The following ZRANB3 variants were observed in gnomAD, a reference collection of about 807,000 sequenced individuals.
ZRANB3 encodes the protein zinc finger RANBP2-type containing 3, also known as DNA annealing helicase and endonuclease ZRANB3.
A neutral mutation model predicts 133.8 loss-of-function variants in ZRANB3; 125 were observed. The ratio of observed to expected loss-of-function variants is 0.93; its 90% CI spans 0.81 to 1.08. ZRANB3 has a LOEUF of 1.08. Ranked by LOEUF, ZRANB3 falls within the 50% of genes least tolerant of loss-of-function variation. The probability of loss-of-function intolerance (pLI) is 0.00; values close to 1 mark genes in which losing one functional copy is unlikely to be tolerated. For missense variants in ZRANB3, 1,229 were observed against 1,275.5 expected, an observed-to-expected ratio of 0.96 and a Z score of 0.56; for synonymous variants, 387 against 432.7, an observed-to-expected ratio of 0.89 and a Z score of 1.31.
chr2:135,497,344 A>C (rs1457169900), intron 2 of ZRANB3, among the ~76,000 whole-genome samples: 1 of 152,232 alleles, frequency 6.6e-6, no homozygotes, highest in Non-Finnish European at 1.5e-5. Flanking sequence ...TATTTATTAT[A>C]AAGCTACGCT....
At chr2:135,459,385 C>T (rs1690667800) in intron 2 of ZRANB3, among the ~76,000 whole-genome samples, 1 of 152,134 alleles carries the variant, frequency 6.6e-6, no homozygotes, top group African/African-American at 2.4e-5. Context: ...CCCAGCTTGC[C>T]TAGTAAAATT....
intron 1 of ZRANB3, among the ~76,000 whole-genome samples, chr2:135,524,989 A>G (rs1052001059): frequency 9.9e-5 from 15 of 152,096 alleles, no homozygotes; most frequent in African/African-American, 3.4e-4. Context: ...AGCATTTCTA[A>G]GCATCACAAA....
At chr2:135,502,549 A>C (rs111465936) in intron 2 of ZRANB3, among the ~76,000 whole-genome samples, 1 of 152,234 alleles carries the variant, frequency 6.6e-6, no homozygotes, top group Non-Finnish European at 1.5e-5. Flanking sequence ...TTGTTAAAGA[A>C]GCATGCACAG....
At chr2:135,278,542 A>G (rs919133317) in intron 8 of ZRANB3, among the ~76,000 whole-genome samples, 5 of 152,292 alleles carry the variant, frequency 3.3e-5, no homozygotes, top group African/African-American at 1.2e-4. Context: ...AGGCCTAAAG[A>G]GTAACAGTTC....
chr2:135,217,809 A>G (rs1213470750), intron 16 of ZRANB3, among the ~76,000 whole-genome samples: 1 of 151,982 alleles, frequency 6.6e-6, no homozygotes, highest in Non-Finnish European at 1.5e-5. Context: ...TTCTCAAGAG[A>G]TATCTCTTTT....
At chr2:135,250,315 A>G (rs1679329230) in intron 12 of ZRANB3, among the ~76,000 whole-genome samples, 1 of 152,226 alleles carries the variant, frequency 6.6e-6, no homozygotes, top group South Asian at 2.1e-4. Flanking sequence ...ATTCAGTTTT[A>G]TAAGGGAAGC....
chr2:135,267,331 G>C (rs1468818303), intron 11 of ZRANB3, among the ~76,000 whole-genome samples: 1 of 151,952 alleles, frequency 6.6e-6, no homozygotes, highest in Non-Finnish European at 1.5e-5. Context: ...GCTAGCTTAG[G>C]TCTCTCTTCC....
chr2:135,234,752 C>A (rs1454895097), intron 12 of ZRANB3, among the ~76,000 whole-genome samples: 2 of 152,270 alleles, frequency 1.3e-5, no homozygotes, highest in East Asian at 1.9e-4. Context: ...AGAACGAAGA[C>A]ACAACATACC....
intron 8 of ZRANB3, among the ~76,000 whole-genome samples, chr2:135,294,559 TTGA>T (rs1681936191): frequency 6.6e-6 from 1 of 152,178 alleles, no homozygotes; most frequent in Non-Finnish European, 1.5e-5. Context: ...CCTGGATTCA[TTGA>T]TTTTTTTGAA....
intron 1 of ZRANB3, among the ~76,000 whole-genome samples, chr2:135,505,632 T>C (rs1008051564): frequency 1.3e-5 from 2 of 151,980 alleles, no homozygotes; most frequent in African/African-American, 4.8e-5. Flanking sequence ...TATATAACTA[T>C]TGCTCTCTTC....
In ZRANB3 at chr2:135,300,101, T is replaced by TA. The variant is rs962892179; in HGVS notation, c.966+13387dup. On this transcript the variant is annotated intron_variant, in intron 8 of 20. Transcript: ENST00000264159. ...TCTAACCACAATTAGTGAACAGTGTTAAAAAAAAGAATAGAGAAAGTATTC... is the reference window on the plus strand; with the variant it reads ...TCTAACCACAATTAGTGAACAGTGTTAAAAAAAAAGAATAGAGAAAGTATTC... Among the ~76,000 whole-genome samples the TA allele has an allele frequency of 8.6e-5, 13 of 151,928 alleles. No homozygotes were observed. The East Asian group carries it at 1.9e-3, about 23-fold the overall frequency.
At chr2:135,301,630 T>C (rs1275396831) in intron 8 of ZRANB3, among the ~76,000 whole-genome samples, 2 of 152,208 alleles carry the variant, frequency 1.3e-5, no homozygotes, top group African/African-American at 2.4e-5. Flanking sequence ...TTCCACAAAC[T>C]GTTTCAATTG....
intron 6 of ZRANB3, among the ~76,000 whole-genome samples, chr2:135,324,652 G>A (rs62172179): frequency 1.1e-4 from 16 of 152,274 alleles, no homozygotes; most frequent in African/African-American, 2.6e-4. Flanking sequence ...TTGAGGAATC[G>A]CCACACTGTC....
At chr2:135,512,751 T>A (rs551855587) in intron 1 of ZRANB3, among the ~76,000 whole-genome samples, 1 of 151,824 alleles carries the variant, frequency 6.6e-6, no homozygotes, top group Admixed American at 6.5e-5. Context: ...CATTTTATAA[T>A]GATAAAAGAT....
intron 1 of ZRANB3, among the ~76,000 whole-genome samples, chr2:135,526,952 T>C (rs1482898633): frequency 6.6e-6 from 1 of 152,198 alleles, no homozygotes; most frequent in Non-Finnish European, 1.5e-5. Context: ...CCAGAAAATG[T>C]TTAAATTTAC....
rs1303545689 is a variant in ZRANB3 at position 135,198,916 on chromosome 2, C to T, written c.*1426G>A. 5 of 152,100 alleles carry T rather than the reference C, an allele frequency of 3.3e-5. No individual in the cohort carries two copies. Among genetic ancestry groups the T allele is most frequent in the African/African-American group, 1.2e-4 (5 of 41,408 alleles). 9.4% of individuals were successfully genotyped at this position (152,100 alleles called of 1,614,324 possible). ...TTGTAAAACACTAGCTATTAATTAA[C>T]GTGGGAAAATGCTCAAACTAAAGAG... is the stretch of plus-strand genomic sequence containing the variant. On this transcript the variant is annotated 3_prime_UTR_variant, in exon 21 of 21. Transcript: ENST00000264159.
intron 2 of ZRANB3, among the ~76,000 whole-genome samples, chr2:135,406,684 T>A (rs189706624): frequency 6.6e-6 from 1 of 152,144 alleles, no homozygotes; most frequent in Non-Finnish European, 1.5e-5. Context: ...AATCAATGAA[T>A]GTAATCCAGC....
intron 9 of ZRANB3, among the ~76,000 whole-genome samples, chr2:135,274,005 T>C (rs999671484): frequency 6.6e-6 from 1 of 152,174 alleles, no homozygotes; most frequent in African/African-American, 2.4e-5. Context: ...TGCCCAATCA[T>C]TTAAAAAATA....
intron 10 of ZRANB3, among the ~76,000 whole-genome samples, chr2:135,271,067 A>G (rs1268563361): frequency 2.0e-5 from 3 of 152,200 alleles, no homozygotes; most frequent in African/African-American, 7.2e-5. Flanking sequence ...GGGACTAACT[A>G]TAAGAGATGC....
Sources: gnomAD v4.1 joint callset for allele counts (sites outside exome capture counted in the v4.1 genomes callset) on GRCh38, gnomAD v4.1.1 for gene constraint, MANE v1.5 for transcripts, NCBI Gene and HGNC (gene_info 2026-07-23, HGNC 2026-07-21) for gene names.